Variants in ABI1 observed in about 807,000 individuals in gnomAD.
ABI1 encodes Abelson interactor 1.
Under a neutral mutation model 54.6 loss-of-function variants are expected in ABI1, and 14 were observed. The observed-to-expected ratio is 0.26, with a 90% CI of 0.17 to 0.40. The LOEUF is 0.40. ABI1 is among the 10% of genes least tolerant of loss of function. The pLI, the probability that ABI1 is intolerant of heterozygous loss-of-function variation, is 1.00. For missense variants in ABI1, 443 were observed against 598.3 expected (o/e 0.74, Z 2.71); for synonymous variants, 194 against 209.3 (o/e 0.93, Z 0.63).
At chr10:26,800,356 G>C (rs576975483) in intron 2 of ABI1, among the ~76,000 whole-genome samples, 1 of 152,306 alleles carries the variant, frequency 6.6e-6, no homozygotes, top group Admixed American at 6.5e-5. Flanking sequence ...CTGCACTCCA[G>C]CCTGGGGGAA....
intron 1 of ABI1, among the ~76,000 whole-genome samples, chr10:26,849,852 CAGA>C (rs1217406351): frequency 1.2e-4 from 19 of 152,294 alleles, no homozygotes; most frequent in African/African-American, 4.6e-4. Context: ...TGTCAACATT[CAGA>C]AGGTCTGCAT....
chr10:26,833,752 G>A (rs929833551), intron 1 of ABI1, among the ~76,000 whole-genome samples: 1 of 126,382 alleles, frequency 7.9e-6, no homozygotes, highest in Non-Finnish European at 1.6e-5. Context: ...ATCAGATAAT[G>A]TATATCACAA....
intron 3 of ABI1, among the ~76,000 whole-genome samples, chr10:26,772,304 G>A (rs964946708): frequency 6.6e-6 from 1 of 151,780 alleles, no homozygotes; most frequent in Admixed American, 6.6e-5. Context: ...TTCAGTATCT[G>A]TATTATGATA....
chr10:26,833,671 T>C (rs898864392), intron 1 of ABI1, among the ~76,000 whole-genome samples: 5 of 152,168 alleles, frequency 3.3e-5, no homozygotes, highest in Non-Finnish European at 7.3e-5. Flanking sequence ...AAAGGAATTA[T>C]ATAGCAAGAG....
chr10:26,852,933 T>C (rs1266867605), intron 1 of ABI1, among the ~76,000 whole-genome samples: 2 of 152,082 alleles, frequency 1.3e-5, no homozygotes, highest in Non-Finnish European at 2.9e-5. Context: ...CTGGGTGTGG[T>C]CCCTCATTAA....
Position 26,765,260 on chromosome 10 carries a change from G to A in ABI1, c.778C>T (p.Pro260Ser). The A allele has an allele frequency of 6.2e-6, 10 of 1,604,160 alleles. No individual in the cohort carries two copies. The highest frequency in any genetic ancestry group is 1.1e-5 in the South Asian group (1 of 88,258). Residue 260 changes from proline (P) to serine (S), a missense_variant, in exon 7 of 11, where the codon CCC (proline) becomes TCC (serine). This residue lies in a region of ABI1 where 394 missense variants were observed against 484.8 expected (regional missense o/e 0.81). Coordinates refer to ENST00000376140, the MANE Select transcript of ABI1 (RefSeq NM_001012750.3). ...GGCGAAGGTGTAGGCACAGCAATGGGAATGCCAATACTACTGCTACCACTG... is the reference window on the plus strand; with the variant it reads ...GGCGAAGGTGTAGGCACAGCAATGGAAATGCCAATACTACTGCTACCACTG... ...ENSGSSSIGI[P>S]IAVPTPSPPT... is the part of the protein sequence containing the mutation.
In ABI1 at chr10:26,759,101, G is replaced by C. The variant is rs1564459348; in HGVS notation, c.958C>G (p.Pro320Ala). The C allele has an allele frequency of 6.2e-7, 1 of 1,614,012 alleles. No homozygotes were observed. Among genetic ancestry groups the C allele is most frequent in the South Asian group, 1.1e-5 (1 of 91,062 alleles). The change falls in exon 8 of 11, where the codon CCT (proline) becomes GCT (alanine). Residue 320 changes from proline (P) to alanine (A), a missense_variant. This residue lies in a region of ABI1 where 394 missense variants were observed against 484.8 expected (regional missense o/e 0.81). Coordinates refer to ENST00000376140, the MANE Select transcript of ABI1 (RefSeq NM_001012750.3). ...TAAAGTGGACCTCCATTAACATGAG[G>C]CTGAGCAGAAAATTGAGCAGTCACA... The part of the protein sequence containing the change: ...PSVTAQFSAQ[P>A]HVNGGPLYSQ...
At chr10:26,764,434 A>G (rs1046860697) in intron 7 of ABI1, among the ~76,000 whole-genome samples, 1 of 152,206 alleles carries the variant, frequency 6.6e-6, no homozygotes, top group Non-Finnish European at 1.5e-5. Context: ...AATGTAGTAA[A>G]GTCACAAAAT....
intron 1 of ABI1, among the ~76,000 whole-genome samples, chr10:26,850,641 G>C (rs909347822): frequency 2.1e-5 from 3 of 144,966 alleles, no homozygotes; most frequent in Non-Finnish European, 3.0e-5. Context: ...CTGGGCAACA[G>C]AGTGAGACTC....
At chr10:26,799,653 T>C (rs2046416007) in intron 2 of ABI1, among the ~76,000 whole-genome samples, 1 of 152,212 alleles carries the variant, frequency 6.6e-6, no homozygotes, top group Admixed American at 6.5e-5. Flanking sequence ...GTACAATTTG[T>C]TTTAACCAAG....
intron 10 of ABI1, 40 bp downstream of exon 10, chr10:26,751,558 G>T: frequency 6.3e-7 from 1 of 1,576,094 alleles, no homozygotes; most frequent in East Asian, 2.3e-5. Context: ...TCTACAATTA[G>T]GTTATTTTCC....
At chr10:26,832,305 G>A (rs1258357116) in intron 1 of ABI1, among the ~76,000 whole-genome samples, 1 of 152,078 alleles carries the variant, frequency 6.6e-6, no homozygotes, top group African/African-American at 2.4e-5. Flanking sequence ...TATGTTGGCC[G>A]GGCGCAGTGG....
intron 9 of ABI1, among the ~76,000 whole-genome samples, chr10:26,753,214 A>C (rs1837855021): frequency 6.6e-6 from 1 of 152,164 alleles, no homozygotes; most frequent in Non-Finnish European, 1.5e-5. Context: ...GGTAATGCTC[A>C]CTATAACACC....
At chr10:26,818,238 T>C (rs2047715774) in intron 2 of ABI1, among the ~76,000 whole-genome samples, 1 of 151,130 alleles carries the variant, frequency 6.6e-6, no homozygotes, top group African/African-American at 2.4e-5. Flanking sequence ...TAATGTATAT[T>C]TTCTGATCAG....
At chr10:26,779,026 C>T (rs771509071) in intron 2 of ABI1, among the ~76,000 whole-genome samples, 2 of 152,044 alleles carry the variant, frequency 1.3e-5, no homozygotes, top group African/African-American at 2.4e-5. Context: ...TGTCTCTGAC[C>T]CAGGAGTCTC....
chr10:26,823,444 A>G (rs1310597826), intron 1 of ABI1, 139 bp from the exon 2 acceptor site: 2 of 704,568 alleles, frequency 2.8e-6, no homozygotes, highest in Non-Finnish European at 4.2e-6. Context: ...TGATAGTCTC[A>G]GGATACTACT....
At chr10:26,816,986 T>TTGTGTGTGTGTGTGTGTGTGTGTGTGTG (rs71403891) in intron 2 of ABI1, among the ~76,000 whole-genome samples, 1 of 143,768 alleles carries the variant, frequency 7.0e-6, no homozygotes, top group African/African-American at 2.6e-5. Flanking sequence ...TGCAAAGACT[T>TTGTGTGTGTGTGTGTGTGTGTGTGTGTG]TGTGTGTGTG....
chr10:26,848,200 CAAAAAAAA>C (rs149066426), intron 1 of ABI1, among the ~76,000 whole-genome samples: 1 of 78,690 alleles, frequency 1.3e-5, no homozygotes, highest in Non-Finnish European at 2.5e-5. Flanking sequence ...GACCCTGTCT[CAAAAAAAA>C]AAAAAAAAAA....
intron 2 of ABI1, among the ~76,000 whole-genome samples, chr10:26,820,786 C>T (rs922395601): frequency 1.5e-4 from 23 of 151,366 alleles, no homozygotes; most frequent in Non-Finnish European, 2.9e-4. Context: ...CAGGGTTTCA[C>T]CATCTTGGTC....
Sources: allele counts gnomAD v4.1 joint callset (sites outside exome capture counted in the v4.1 genomes callset), GRCh38; gene constraint gnomAD v4.1.1; regional missense constraint gnomAD v4.1.1; transcripts MANE v1.5; gene names NCBI Gene and HGNC (gene_info 2026-07-23, HGNC 2026-07-21).